Variants in ANKS1B observed in about 807,000 individuals in gnomAD.
ANKS1B encodes the protein ankyrin repeat and sterile alpha motif domain containing 1B, also known as ankyrin repeat and sterile alpha motif domain-containing protein 1B.
In ANKS1B, 36 loss-of-function variants were observed where a neutral mutation model predicts 148.3. The observed-to-expected ratio is 0.24, with a 90% CI of 0.19 to 0.32. ANKS1B has a LOEUF of 0.32. Among genes scored for constraint, ANKS1B ranks in the 10% least tolerant of loss-of-function variants. The pLI, the probability that ANKS1B is intolerant of heterozygous loss-of-function variation, is 1.00. For missense variants in ANKS1B, 1,157 were observed against 1,542.6 expected (o/e 0.75, Z 4.19); for synonymous variants, 542 against 560.8 (o/e 0.97, Z 0.47).
chr12:99,495,342 A>AGTGTGTGTGTGTGTGTGTGT lies in ANKS1B; in HGVS notation c.1438+9114_1438+9133dup, dbSNP rs56107230. On this transcript the variant is annotated intron_variant, in intron 10 of 26. Transcript: ENST00000683438. ...ACAAAATTGATTTCAGGGGAGAAAA[A>AGTGTGTGTGTGTGTGTGTGT]GTGTGTGTGTGTGTGTGTGTGTGTG... Among the ~76,000 whole-genome samples, 285 of 145,394 alleles carry AGTGTGTGTGTGTGTGTGTGT rather than the reference A, an allele frequency of 2.0e-3. 2 individuals are homozygous for AGTGTGTGTGTGTGTGTGTGT. Among genetic ancestry groups the AGTGTGTGTGTGTGTGTGTGT allele is most frequent in the African/African-American group, 6.9e-3 (269 of 39,236 alleles).
chr12:99,106,556 C>T (rs1480402395), intron 15 of ANKS1B, among the ~76,000 whole-genome samples: 8 of 152,118 alleles, frequency 5.3e-5, no homozygotes, highest in Admixed American at 3.9e-4. Context: ...TTAAAGTTGT[C>T]GGTTTCTAAA....
At chr12:99,522,897 G>A (rs1045659102) in intron 9 of ANKS1B, among the ~76,000 whole-genome samples, 1 of 152,176 alleles carries the variant, frequency 6.6e-6, no homozygotes, top group African/African-American at 2.4e-5. Context: ...ATTTCCTTTA[G>A]TAAGGCTGTG....
At chr12:99,966,925 C>G (rs931749854) in intron 1 of ANKS1B, among the ~76,000 whole-genome samples, 9 of 152,048 alleles carry the variant, frequency 5.9e-5, no homozygotes, top group African/African-American at 1.9e-4. Flanking sequence ...CAGTACCACT[C>G]CTAAAAGCAA....
At chr12:99,558,295 AGCAGCAGT>A (rs1437735840) in intron 9 of ANKS1B, among the ~76,000 whole-genome samples, 1 of 152,184 alleles carries the variant, frequency 6.6e-6, no homozygotes, top group Non-Finnish European at 1.5e-5. Flanking sequence ...CATCCACGCC[AGCAGCAGT>A]GCAGCAGGAT....
chr12:99,432,538 T>G (rs1328932149), intron 11 of ANKS1B, among the ~76,000 whole-genome samples: 3 of 152,156 alleles, frequency 2.0e-5, no homozygotes, highest in Non-Finnish European at 2.9e-5. Context: ...CTTATTCTCA[T>G]GGCATATCCA....
chr12:99,393,978 C>T (rs1052644520), intron 12 of ANKS1B, among the ~76,000 whole-genome samples: 2 of 152,194 alleles, frequency 1.3e-5, no homozygotes, highest in African/African-American at 4.8e-5. Context: ...CACCTGCATC[C>T]TCCAGCTGAC....
chr12:99,330,712 T>C (rs1399899792), intron 12 of ANKS1B, among the ~76,000 whole-genome samples: 1 of 152,034 alleles, frequency 6.6e-6, no homozygotes, highest in Admixed American at 6.6e-5. Context: ...AGCATTTATA[T>C]AGTGAATCTG....
intron 12 of ANKS1B, among the ~76,000 whole-genome samples, chr12:99,327,374 A>ATATATAATTACATAT (rs1452652487): frequency 1.6e-4 from 19 of 116,506 alleles, no homozygotes; most frequent in African/African-American, 6.1e-4. Context: ...ATTACATATT[A>ATATATAATTACATAT]TATATAATTA....
intron 9 of ANKS1B, among the ~76,000 whole-genome samples, chr12:99,646,535 T>C (rs1049118096): frequency 1.3e-5 from 2 of 150,756 alleles, no homozygotes; most frequent in Admixed American, 6.7e-5. Context: ...ACGCCTGTAG[T>C]CCCAGCTACT....
chr12:98,843,860 C>A (rs1044992635), intron 17 of ANKS1B, among the ~76,000 whole-genome samples: 1 of 152,110 alleles, frequency 6.6e-6, no homozygotes, highest in African/African-American at 2.4e-5. Flanking sequence ...AATGAAACAT[C>A]CCTCAAAATT....
intron 8 of ANKS1B, among the ~76,000 whole-genome samples, chr12:99,753,462 G>A (rs570740034): frequency 5.9e-5 from 9 of 152,196 alleles, no homozygotes; most frequent in African/African-American, 2.2e-4. Context: ...AAGGGGCCAC[G>A]ATAATTTAGT....
chr12:98,975,859 G>A (rs1055097750), intron 17 of ANKS1B, among the ~76,000 whole-genome samples: 12 of 152,120 alleles, frequency 7.9e-5, no homozygotes, highest in African/African-American at 2.7e-4. Flanking sequence ...GAGGGAGCAG[G>A]GAATGTAGGC....
chr12:99,117,823 G>A (rs2061768201), intron 15 of ANKS1B, among the ~76,000 whole-genome samples: 1 of 152,146 alleles, frequency 6.6e-6, no homozygotes, highest in Non-Finnish European at 1.5e-5. Flanking sequence ...AATCTGTCTG[G>A]TCCTGGGCTT....
chr12:98,887,554 T>G (rs2099742933), intron 17 of ANKS1B, among the ~76,000 whole-genome samples: 1 of 152,202 alleles, frequency 6.6e-6, no homozygotes, highest in Non-Finnish European at 1.5e-5. Context: ...AGACACTTAT[T>G]GGAAGTTCAA....
intron 15 of ANKS1B, among the ~76,000 whole-genome samples, chr12:99,110,238 A>C (rs2060026868): frequency 6.6e-6 from 1 of 152,192 alleles, no homozygotes; most frequent in Non-Finnish European, 1.5e-5. Flanking sequence ...TTTAACTCCT[A>C]ACTTCAGGAG....
At chr12:99,255,362 T>C (rs1019538488) in intron 12 of ANKS1B, among the ~76,000 whole-genome samples, 2 of 152,128 alleles carry the variant, frequency 1.3e-5, no homozygotes, top group Non-Finnish European at 2.9e-5. Context: ...GGTTTATTTG[T>C]GCCTTTTTAT....
intron 1 of ANKS1B, among the ~76,000 whole-genome samples, chr12:99,827,623 T>A (rs1174522449): frequency 1.3e-5 from 2 of 152,228 alleles, no homozygotes; most frequent in Admixed American, 1.3e-4. Context: ...ACTATCTATA[T>A]GTATCCCATA....
At chr12:99,857,555 C>T (rs1320774268) in intron 1 of ANKS1B, among the ~76,000 whole-genome samples, 3 of 151,894 alleles carry the variant, frequency 2.0e-5, no homozygotes, top group Non-Finnish European at 4.4e-5. Flanking sequence ...TAACGTGGAA[C>T]CAAAAAAGAG....
At chr12:98,937,064 A>T (rs549894529) in intron 17 of ANKS1B, among the ~76,000 whole-genome samples, 9 of 152,190 alleles carry the variant, frequency 5.9e-5, no homozygotes, top group Admixed American at 5.2e-4. Flanking sequence ...TGAAGAGTAG[A>T]TTAACTCACT....
Sources: allele counts gnomAD v4.1 joint callset (sites outside exome capture counted in the v4.1 genomes callset), GRCh38; gene constraint gnomAD v4.1.1; transcripts MANE v1.5; gene names NCBI Gene and HGNC (gene_info 2026-07-23, HGNC 2026-07-21).